AGR3: variants seen among roughly 807,000 people sequenced by gnomAD.
The protein encoded by AGR3 is anterior gradient protein 3.
A neutral mutation model predicts 24.5 loss-of-function variants in AGR3; 37 were observed. The ratio of observed to expected loss-of-function variants is 1.51; its 90% confidence interval spans 1.16 to 1.99. The LOEUF (loss-of-function observed/expected upper bound fraction) is 1.99, where lower values mean the gene tolerates loss of function less well. Ranked by LOEUF, AGR3 falls within the 30% of genes most tolerant of loss-of-function variation. AGR3 has a pLI of 0.00. For synonymous variants in AGR3, 75 were observed against 61.6 expected (o/e 1.22, Z -1.02); for missense variants, 228 against 191.1 (o/e 1.19, Z -1.14).
intron 3 of AGR3, among the ~76,000 whole-genome samples, chr7:16,868,336 G>T (rs1047594360): frequency 6.6e-6 from 1 of 152,048 alleles, no homozygotes; most frequent in African/African-American, 2.4e-5. Context: ...TGTATTTTTA[G>T]TAGAGATGGG....
At chr7:16,869,673 GTTTT>G (rs71007797) in intron 3 of AGR3, among the ~76,000 whole-genome samples, 1 of 125,918 alleles carries the variant, frequency 7.9e-6, no homozygotes. Flanking sequence ...TTGTGAGTTT[GTTTT>G]TTTTTTTTTT....
downstream of AGR3, among the ~76,000 whole-genome samples, chr7:16,859,003 G>A (rs1781589389): frequency 6.6e-6 from 1 of 152,230 alleles, no homozygotes; most frequent in Admixed American, 6.5e-5. Context: ...AAAGTCACAA[G>A]TGGACAGAGA....
At chr7:16,879,858 GAAC>G (rs375531996) in intron 1 of AGR3, among the ~76,000 whole-genome samples, 3 of 152,298 alleles carry the variant, frequency 2.0e-5, no homozygotes, top group African/African-American at 4.8e-5. Context: ...TCGTGGAGGA[GAAC>G]AACAATTTGG....
intron 1 of AGR3, among the ~76,000 whole-genome samples, chr7:16,880,589 C>G (rs575942742): frequency 2.1e-5 from 3 of 143,756 alleles, no homozygotes; most frequent in African/African-American, 7.7e-5. Flanking sequence ...CCCCTCCTTT[C>G]CCCTCCTTTC....
At chr7:16,872,349 A>G (rs1434080383) in intron 3 of AGR3, among the ~76,000 whole-genome samples, 1 of 152,180 alleles carries the variant, frequency 6.6e-6, no homozygotes, top group Non-Finnish European at 1.5e-5. Context: ...AAGAACATGC[A>G]TTGGGGAAAG....
intron 1 of AGR3, among the ~76,000 whole-genome samples, chr7:16,881,211 G>T (rs1230200869): frequency 6.6e-6 from 1 of 152,140 alleles, no homozygotes; most frequent in African/African-American, 2.4e-5. Context: ...TTAGAGTTAA[G>T]CGGGAACCAT....
chr7:16,874,256 C>A (rs1394141259), intron 2 of AGR3, among the ~76,000 whole-genome samples: 1 of 151,982 alleles, frequency 6.6e-6, no homozygotes, highest in Non-Finnish European at 1.5e-5. Flanking sequence ...ATTTTGGGTC[C>A]CAAGAGATGT....
chr7:16,865,978 A>G, intron 3 of AGR3: 2 of 676,610 alleles, frequency 3.0e-6, no homozygotes, highest in South Asian at 3.0e-5. Flanking sequence ...CAACTTCTTC[A>G]ATTATCTTTT....
At chr7:16,877,523 A>T (rs1782009401) in intron 2 of AGR3, among the ~76,000 whole-genome samples, 2 of 151,850 alleles carry the variant, frequency 1.3e-5, no homozygotes, top group Admixed American at 1.3e-4. Flanking sequence ...GGGACAAATA[A>T]TTCTGTTCCT....
At chr7:16,870,460 C>T (rs888724666) in intron 3 of AGR3, among the ~76,000 whole-genome samples, 3 of 151,822 alleles carry the variant, frequency 2.0e-5, no homozygotes, top group African/African-American at 7.3e-5. Context: ...TTGTCTTATC[C>T]ACACTTTAAT....
intron 1 of AGR3, among the ~76,000 whole-genome samples, chr7:16,881,015 G>A (rs1782108004): frequency 6.6e-6 from 1 of 152,014 alleles, no homozygotes. Flanking sequence ...GTGGGAATAG[G>A]GTCCAAAACG....
At chr7:16,867,871 A>T (rs77066837) in intron 3 of AGR3, among the ~76,000 whole-genome samples, 1,921 of 152,272 alleles carry the variant, frequency 0.013, 49 homozygotes, top group African/African-American at 0.043. Context: ...TTTTTGATAC[A>T]TGCCCAGCAG....
At chr7:16,861,327 A>G in intron 6 of AGR3, 57 bp downstream of exon 6, 1 of 1,339,656 alleles carries the variant, frequency 7.5e-7, no homozygotes, top group African/African-American at 1.5e-5. Context: ...AAATAAAAGC[A>G]AGAATGCTGA....
chr7:16,862,113 A>G (rs1781662638), intron 4 of AGR3, 53 bp from the exon 5 acceptor site: 1 of 1,313,664 alleles, frequency 7.6e-7, no homozygotes, highest in Non-Finnish European at 1.1e-6. Flanking sequence ...GAGACCTTTA[A>G]TGTAACATAG....
chr7:16,862,839 T>C (rs1781676067), intron 3 of AGR3, among the ~76,000 whole-genome samples, 177 bp from the exon 4 acceptor site: 1 of 152,208 alleles, frequency 6.6e-6, no homozygotes, highest in Admixed American at 6.5e-5. Context: ...TCAGAACTGA[T>C]AGTATCAGTA....
At chr7:16,876,031 A>T (rs1781980477) in intron 2 of AGR3, among the ~76,000 whole-genome samples, 1 of 152,206 alleles carries the variant, frequency 6.6e-6, no homozygotes, top group Non-Finnish European at 1.5e-5. Flanking sequence ...GCTCCTGCTC[A>T]ATTTAGTTCC....
In AGR3 at chr7:16,865,655, G is replaced by A. The variant is rs556368242; in HGVS notation, c.174-2993C>T. 6.3e-6 allele frequency: 5 copies of A among 794,882 alleles called. No homozygotes were observed. In the Admixed American group the frequency reaches 8.7e-5, roughly 14 times the overall value. The allele number at this position is 794,882 out of a possible 1,614,324, so 49.2% of individuals were successfully genotyped here. A position where few individuals can be genotyped will look rare whatever the true frequency, so the allele number is the denominator to read the frequency against. The stretch of plus-strand genomic sequence containing the variant: ...TTCAACCAGAATTATCTTCTTATCA[G>A]TTCTCAGATGATCTCCAAGCATTTG... On this transcript the variant is annotated intron_variant, in intron 3 of 7. Transcript: ENST00000310398.
intron 6 of AGR3, among the ~76,000 whole-genome samples, chr7:16,860,959 A>C (rs1781629793): frequency 6.6e-6 from 1 of 152,110 alleles, no homozygotes; most frequent in Non-Finnish European, 1.5e-5. Flanking sequence ...GGCTACATCC[A>C]TAAAACGTTC....
chr7:16,872,467 TA>T (rs766060849), intron 3 of AGR3, among the ~76,000 whole-genome samples: 1 of 152,294 alleles, frequency 6.6e-6, no homozygotes, highest in Non-Finnish European at 1.5e-5. Context: ...CAAAATGGAC[TA>T]AAGACTTGAA....
Sources: allele counts gnomAD v4.1 joint callset (sites outside exome capture counted in the v4.1 genomes callset), GRCh38; gene constraint gnomAD v4.1.1; transcripts MANE v1.5; gene names NCBI Gene and HGNC (gene_info 2026-07-23, HGNC 2026-07-21).